LIG3: variants seen among roughly 807,000 people sequenced by gnomAD.
LIG3 encodes the protein ligase II, DNA, ATP-dependent.
Under a neutral mutation model 110.9 loss-of-function variants are expected in LIG3, and 58 were observed. That is an observed-to-expected ratio of 0.52 (90% CI 0.42 to 0.65). LIG3 has a LOEUF of 0.65. LIG3 is among the 30% of genes least tolerant of loss of function. LIG3 has a pLI of 0.00. For synonymous variants in LIG3, 422 were observed against 472.8 expected, an observed-to-expected ratio of 0.89 and a Z score of 1.39; for missense variants, 1,094 against 1,273.8, an observed-to-expected ratio of 0.86 and a Z score of 2.15.
In LIG3 at chr17:35,007,453, A is replaced by T. The variant is rs1381703846; in HGVS notation, c.*2947A>T. On this transcript the variant is annotated 3_prime_UTR_variant, in exon 20 of 20. Transcript: ENST00000378526. ...AATGCTGGAGGCCTCCCTCTTCTGAACCTCTACATGCTGCTGGCTGGCATC... is the reference window on the plus strand; with the variant it reads ...AATGCTGGAGGCCTCCCTCTTCTGATCCTCTACATGCTGCTGGCTGGCATC... The T allele has an allele frequency of 6.6e-6, 1 of 152,124 alleles. No homozygotes were observed. Among genetic ancestry groups the T allele is most frequent in the Non-Finnish European group, 1.5e-5 (1 of 68,074 alleles). The allele number at this position is 152,124 out of a possible 1,614,324, so 9.4% of individuals were successfully genotyped here.
In LIG3 at chr17:35,001,938, A is replaced by G. The variant is rs778983114; in HGVS notation, c.2508A>G (p.Ala836=). 1.9e-6 allele frequency: 3 copies of G among 1,611,378 alleles called. No homozygotes were observed. Among genetic ancestry groups the G allele is most frequent in the African/African-American group, 1.3e-5 (1 of 74,846 alleles). The change falls in exon 18 of 20, where the codon GCA becomes GCG. Residue 836 remains alanine (A), a synonymous_variant. Transcript: ENST00000378526. ...KELYQLSKEK[A]DFTVVAGDEG... ...TGTACCAGTTGTCCAAGGAGAAGGC[A>G]GACTTCACTGTAGTGGCTGGAGATG...
intron 11 of LIG3, 101 bp downstream of exon 11, chr17:34,996,754 G>A: frequency 5.1e-6 from 5 of 976,666 alleles, no homozygotes; most frequent in Non-Finnish European, 8.1e-6. Flanking sequence ...GAGGGTACAG[G>A]GAACCAGCTG....
Position 34,991,677 on chromosome 17 carries a change from G to A in LIG3, c.1048G>A (p.Val350Met), listed in dbSNP as rs781422776. 5.0e-6 allele frequency: 8 copies of A among 1,613,786 alleles called. No homozygotes were observed. The highest frequency in any genetic ancestry group is 1.3e-5 in the African/African-American group (1 of 75,016). The change falls in exon 6 of 20, where the codon GTG (valine) becomes ATG (methionine). Residue 350 changes from valine to methionine, a missense_variant. By Grantham distance (21) the Val-to-Met change is conservative (BLOSUM62 1). Transcript: ENST00000378526. ...TTTTGGTTTTTGGAGACAGGGTGACGTGTCAGAGACAATCAGAGTCTTCTT... is the reference window on the plus strand; with the variant it reads ...TTTTGGTTTTTGGAGACAGGGTGACATGTCAGAGACAATCAGAGTCTTCTT... ...DMARDLEQGD[V>M]SETIRVFFEQ...
chr17:34,994,579 T>A, intron 9 of LIG3, 148 bp downstream of exon 9: 1 of 904,984 alleles, frequency 1.1e-6, no homozygotes, highest in Non-Finnish European at 1.6e-6. Context: ...TTTATTCATT[T>A]TTGGAGTCTT....
Position 35,006,918 on chromosome 17 carries a change from A to T in LIG3, c.*2412A>T, listed in dbSNP as rs1469783141. ...CACGGGGGAGGGGTTTACTTTCCTG[A>T]CTCTAGCCCAGGACATTTGGTGTTT... is the stretch of plus-strand genomic sequence containing the variant. On this transcript the variant is annotated 3_prime_UTR_variant, in exon 20 of 20. Coordinates refer to ENST00000378526, the MANE Select transcript of LIG3 (RefSeq NM_013975.4). The T allele has an allele frequency of 6.6e-6, 1 of 151,170 alleles. No homozygotes were observed. Among genetic ancestry groups the T allele is most frequent in the Admixed American group, 6.6e-5 (1 of 15,168 alleles). The allele number at this position is 151,170 out of a possible 1,614,324, so 9.4% of individuals were successfully genotyped here.
intron 8 of LIG3, among the ~76,000 whole-genome samples, chr17:34,993,791 G>A (rs1445715762): frequency 1.3e-5 from 2 of 152,142 alleles, no homozygotes; most frequent in Non-Finnish European, 2.9e-5. Flanking sequence ...GCTAGCACAG[G>A]TAGGCATGTA....
At chr17:34,991,185 CT>C (rs977176440) in intron 5 of LIG3, 71 bp downstream of exon 5, 23,572 of 1,079,246 alleles carry the variant, frequency 0.022, no homozygotes, top group South Asian at 0.029. Flanking sequence ...CCTGCAGCCT[CT>C]TTTTTTTTTT....
chr17:34,982,056 G>A (rs2090600920), intron 1 of LIG3, among the ~76,000 whole-genome samples: 1 of 152,118 alleles, frequency 6.6e-6, no homozygotes, highest in African/African-American at 2.4e-5. Flanking sequence ...TGTTTTAAGG[G>A]TTTTACTCTT....
At chr17:35,002,855 G>A (rs969430939) in intron 19 of LIG3, 66 bp downstream of exon 19, 4 of 1,573,204 alleles carry the variant, frequency 2.5e-6, no homozygotes, top group Non-Finnish European at 3.5e-6. Context: ...CCAACCTTCT[G>A]TACAAGAAGT....
chr17:34,994,050 A>G lies in LIG3; in HGVS notation c.1456-226A>G, dbSNP rs1369229615. 6.8e-6 allele frequency: 3 copies of G among 438,162 alleles called. No homozygotes were observed. In the East Asian group the frequency reaches 1.1e-4, roughly 16 times the overall value. The allele number at this position is 438,162 out of a possible 1,614,324, so 27.1% of individuals were successfully genotyped here. A position where few individuals can be genotyped will look rare whatever the true frequency, so the allele number is the denominator to read the frequency against. On this transcript the variant is annotated intron_variant, in intron 8 of 19. Coordinates refer to ENST00000378526, the MANE Select transcript of LIG3 (RefSeq NM_013975.4). ...TAGCATTCATATTCCTCAAAAGGCAAGCTCCTATGTCAGCTCAGGTGATTA... is the reference window on the plus strand; with the variant it reads ...TAGCATTCATATTCCTCAAAAGGCAGGCTCCTATGTCAGCTCAGGTGATTA...
At chr17:34,990,536 T>C (rs543623785) in intron 4 of LIG3, among the ~76,000 whole-genome samples, 5 of 152,226 alleles carry the variant, frequency 3.3e-5, no homozygotes, top group Non-Finnish European at 7.3e-5. Context: ...TACCTCAACC[T>C]GCTAAAGTGC....
In LIG3 at chr17:35,005,195, G is replaced by T; in HGVS notation, c.*689G>T. On this transcript the variant is annotated 3_prime_UTR_variant, in exon 20 of 20. Transcript: ENST00000378526. Reference sequence around the variant, plus strand: ...GGCCACTCCTCTGGAGGGATAGAGGGCTCCAGGAAGATCTGCATCCCCAAA... The same window carrying T: ...GGCCACTCCTCTGGAGGGATAGAGGTCTCCAGGAAGATCTGCATCCCCAAA... The T allele has an allele frequency of 2.4e-6, 1 of 424,986 alleles. No individual in the cohort carries two copies. The highest frequency in any genetic ancestry group is 4.7e-6 in the Non-Finnish European group (1 of 211,684). The allele number at this position is 424,986 out of a possible 1,614,324, so 26.3% of individuals were successfully genotyped here. A position where few individuals can be genotyped will look rare whatever the true frequency, so the allele number is the denominator to read the frequency against.
rs1306878618 is a variant in LIG3 at position 35,004,876 on chromosome 17, CAGCTCTGTCCACAA to C, written c.*374_*387del. 1.1e-5 allele frequency: 3 copies of C among 264,478 alleles called. No homozygotes were observed. Among genetic ancestry groups the C allele is most frequent in the Non-Finnish European group, 2.2e-5 (3 of 136,244 alleles). The allele number at this position is 264,478 out of a possible 1,614,324, so 16.4% of individuals were successfully genotyped here. A position where few individuals can be genotyped will look rare whatever the true frequency, so the allele number is the denominator to read the frequency against. ...TTAAGGAGTAAAGGCTGGGCTATGG[CAGCTCTGTCCACAA>C]AGCCTTCTCTCCCATCCTTGCCTGT... On this transcript the variant is annotated 3_prime_UTR_variant, in exon 20 of 20. Coordinates refer to ENST00000378526, the MANE Select transcript of LIG3 (RefSeq NM_013975.4).
chr17:34,998,756 G>T, intron 14 of LIG3, 29 bp downstream of exon 14: 1 of 1,608,662 alleles, frequency 6.2e-7, no homozygotes, highest in Non-Finnish European at 8.5e-7. Flanking sequence ...CCCTGGGGTG[G>T]TACTGTTTTA....
At chr17:34,996,543 T>C in intron 10 of LIG3, 31 bp from the exon 11 acceptor site, 3 of 1,567,318 alleles carry the variant, frequency 1.9e-6, no homozygotes, top group Non-Finnish European at 2.6e-6. Flanking sequence ...TTTTGTCCTA[T>C]GTGTACCTAC....
chr17:34,989,417 T>C, intron 3 of LIG3, 49 bp from the exon 4 acceptor site: 3 of 1,531,870 alleles, frequency 2.0e-6, no homozygotes, highest in Non-Finnish European at 2.7e-6. Context: ...TTCCCTTTCT[T>C]TCTTCTCAGA....
Position 35,001,184 on chromosome 17 carries a change from G to A in LIG3, c.2332-73G>A, listed in dbSNP as rs1035676889. ...GCCTTCCTAAGTGCTGGGATTACAG[G>A]CTTGAGCCACCACGCCCGGCCACTG... On this transcript the variant is annotated intron_variant, in intron 16 of 19. Coordinates refer to ENST00000378526, the MANE Select transcript of LIG3 (RefSeq NM_013975.4). 7 of 1,524,882 alleles carry A rather than the reference G, an allele frequency of 4.6e-6. No homozygotes were observed. In the Admixed American group the frequency reaches 1.2e-4, roughly 26 times the overall value. 94.5% of individuals were successfully genotyped at this position (1,524,882 alleles called of 1,614,324 possible). A position where few individuals can be genotyped will look rare whatever the true frequency, so the allele number is the denominator to read the frequency against.
intron 1 of LIG3, 132 bp from the exon 2 acceptor site, chr17:34,982,870 A>T (rs1184539455): frequency 4.7e-6 from 3 of 638,026 alleles, no homozygotes; most frequent in African/African-American, 1.9e-5. Flanking sequence ...GTAGACTATG[A>T]ATGTAATACT....
chr17:34,989,710 G>C, intron 4 of LIG3, 47 bp downstream of exon 4: 1 of 1,576,124 alleles, frequency 6.3e-7, no homozygotes, highest in South Asian at 1.1e-5. Flanking sequence ...GAGAGCTCAA[G>C]GCCATGGCTG....
Sources: gnomAD v4.1 joint callset for allele counts (sites outside exome capture counted in the v4.1 genomes callset) on GRCh38, gnomAD v4.1.1 for gene constraint, MANE v1.5 for transcripts, NCBI Gene and HGNC (gene_info 2026-07-23, HGNC 2026-07-21) for gene names.